AKR1B15: variants seen among roughly 807,000 people sequenced by gnomAD.
AKR1B15 encodes aldo-keto reductase family 1 member B15.
A neutral mutation model predicts 38.5 loss-of-function variants in AKR1B15; 49 were observed. The ratio of observed to expected loss-of-function variants is 1.27; its 90% CI spans 1.01 to 1.62. AKR1B15 has a LOEUF of 1.62. AKR1B15 is among the 40% of genes most tolerant of loss of function. The pLI, the probability that AKR1B15 is intolerant of heterozygous loss-of-function variation, is 0.00. For missense variants in AKR1B15, 411 were observed against 381.6 expected (o/e 1.08, Z -0.64); for synonymous variants, 137 against 135.5 (o/e 1.01, Z -0.08).
intron 1 of AKR1B15, among the ~76,000 whole-genome samples, chr7:134,555,537 T>C (rs2117612749): frequency 6.6e-6 from 1 of 152,292 alleles, no homozygotes; most frequent in South Asian, 2.1e-4. Flanking sequence ...TCTGTCTGTT[T>C]CCACCTGTTA....
At position 134,567,704 on chromosome 7, in the gene AKR1B15, G is replaced by T. The variant is rs372857920; in HGVS notation, c.151-454G>T. ...GGGAAATTGTCTGAAAATCCCTCTG[G>T]GTTATTTAGAGTCAAGCTTTCATCT... On this transcript the variant is annotated intron_variant, in intron 3 of 11. Transcript: ENST00000457545. Among the ~76,000 whole-genome samples the T allele has an allele frequency of 6.1e-4, 93 of 152,216 alleles. 2 individuals carry two copies. The South Asian group carries it at 0.016, about 26-fold the overall frequency.
intron 1 of AKR1B15, among the ~76,000 whole-genome samples, chr7:134,551,963 G>A (rs565890763): frequency 6.6e-6 from 1 of 152,160 alleles, no homozygotes; most frequent in African/African-American, 2.4e-5. Flanking sequence ...CCACCACAGT[G>A]GGGGGCCAGC....
intron 7 of AKR1B15, 99 bp downstream of exon 7, chr7:134,575,641 G>T (rs566688385): frequency 6.3e-7 from 1 of 1,582,054 alleles, no homozygotes; most frequent in Non-Finnish European, 8.6e-7. Context: ...TTATCTCAGG[G>T]GTCAGTGATC....
intron 10 of AKR1B15, 22 bp downstream of exon 10, chr7:134,577,068 C>A (rs1180844104): frequency 6.3e-7 from 1 of 1,595,824 alleles, no homozygotes; most frequent in South Asian, 1.1e-5. Context: ...GCTGGTCGGG[C>A]CTGGTATTCC....
rs145766745 is a variant in AKR1B15, at chr7:134,573,278, G to A, written c.513+1597G>A. The A allele has an allele frequency of 2.0e-4, 147 of 741,578 alleles. No individual in the cohort carries two copies. In the Middle Eastern group the frequency reaches 2.8e-3, roughly 14 times the overall value. 45.9% of individuals were successfully genotyped at this position (741,578 alleles called of 1,614,324 possible). A position where few individuals can be genotyped will look rare whatever the true frequency, so the allele number is the denominator to read the frequency against. On this transcript the variant is annotated intron_variant, in intron 6 of 11. Transcript: ENST00000457545. The stretch of plus-strand genomic sequence containing the variant: ...ACTCCTGACCTCAAGGGATCCACCC[G>A]TCTCAGCCTCCCAAAGTGTTCAGAT...
At chr7:134,555,016 G>A (rs201937292) in intron 1 of AKR1B15, among the ~76,000 whole-genome samples, 2 of 149,654 alleles carry the variant, frequency 1.3e-5, no homozygotes, top group Non-Finnish European at 3.0e-5. Context: ...ACTAGGTAAA[G>A]CTCCTTCCTT....
intron 1 of AKR1B15, among the ~76,000 whole-genome samples, chr7:134,555,548 T>A (rs980532146): frequency 6.6e-6 from 1 of 152,172 alleles, no homozygotes; most frequent in Non-Finnish European, 1.5e-5. Flanking sequence ...CCACCTGTTA[T>A]GTCCTCTGCC....
chr7:134,562,304 C>T (rs1199026441), intron 2 of AKR1B15, among the ~76,000 whole-genome samples: 1 of 152,188 alleles, frequency 6.6e-6, no homozygotes, highest in African/African-American at 2.4e-5. Flanking sequence ...GCTTCCACAT[C>T]CTGTAAGGGT....
rs1350333722 is a variant in AKR1B15, at chr7:134,564,737, A to G, written c.118A>G (p.Ser40Gly). The change falls in exon 3 of 12, where the codon AGT becomes GGT. Residue 40 changes from serine (S) to glycine (G), a missense_variant. Physicochemically the swap from Ser to Gly is moderately conservative, Grantham distance 56. Around this residue, in one of 3 missense-constraint regions of AKR1B15, gnomAD observed 254 missense variants for 212.4 expected, o/e 1.20. Transcript: ENST00000457545. ...GAGTTCCCTTCTGAAGGACACTACA[A>G]GTGCAGGGCCCCTTCTTCGCCCCTA... ...LKSSLLKDTTSAGPLLRPYPA... is the reference protein window; with the variant it reads ...LKSSLLKDTTGAGPLLRPYPA... The G allele has an allele frequency of 2.9e-6, 2 of 693,010 alleles. No homozygotes were observed. The highest frequency in any genetic ancestry group is 1.5e-5 in the South Asian group (1 of 65,016). The allele number at this position is 693,010 out of a possible 1,614,324, so 42.9% of individuals were successfully genotyped here.
chr7:134,575,642 G>T (rs753868277), intron 7 of AKR1B15, 100 bp downstream of exon 7: 120 of 1,580,818 alleles, frequency 7.6e-5, no homozygotes, highest in South Asian at 6.9e-4. Context: ...TATCTCAGGG[G>T]TCAGTGATCA....
chr7:134,563,585 A>G (rs777020092), intron 2 of AKR1B15, among the ~76,000 whole-genome samples: 6 of 152,238 alleles, frequency 3.9e-5, no homozygotes, highest in Non-Finnish European at 7.3e-5. Flanking sequence ...AGGTGAAGCC[A>G]CCTGGACTTC....
At chr7:134,552,889 A>G (rs952128840) in intron 1 of AKR1B15, among the ~76,000 whole-genome samples, 18 of 152,090 alleles carry the variant, frequency 1.2e-4, no homozygotes, top group African/African-American at 4.3e-4. Flanking sequence ...GCCCTCCAAC[A>G]GGATCTTTTA....
rs578001714 is a variant in AKR1B15, at chr7:134,561,799, C to T, written c.-22-2799C>T. The stretch of plus-strand genomic sequence containing the variant: ...ACAGGCCTATATCATGTTCCCTAGA[C>T]TGCTGACTACCAACTAGTTACAGCT... On this transcript the variant is annotated intron_variant, in intron 2 of 11. Coordinates refer to ENST00000457545, the MANE Select transcript of AKR1B15 (RefSeq NM_001080538.3). 2.8e-3 allele frequency among the ~76,000 whole-genome samples: 428 copies of T among 152,270 alleles called. 4 individuals carry two copies. The highest frequency in any genetic ancestry group is 5.8e-3 in the African/African-American group (240 of 41,540).
chr7:134,561,128 A>G (rs1188884066), intron 2 of AKR1B15, among the ~76,000 whole-genome samples: 1 of 152,214 alleles, frequency 6.6e-6, no homozygotes, highest in Non-Finnish European at 1.5e-5. Context: ...AGCACTGCAT[A>G]TCATCCAGTA....
intron 5 of AKR1B15, chr7:134,570,129 G>T (rs1244177694): frequency 6.6e-6 from 1 of 152,484 alleles, no homozygotes; most frequent in South Asian, 2.1e-4. Context: ...TGGCTGCTCT[G>T]GGGACGGCTG....
chr7:134,576,285 A>G lies in AKR1B15; in HGVS notation c.744-64A>G, dbSNP rs1794766427. On this transcript the variant is annotated intron_variant, in intron 8 of 11. Transcript: ENST00000457545. ...TGATCAGTCTTGAGACCCTCATTGG[A>G]GTGGTGTCCTTCTGTACACGGTAGC... 2.6e-6 allele frequency: 4 copies of G among 1,516,170 alleles called. No homozygotes were observed. The East Asian group carries it at 9.0e-5, about 34-fold the overall frequency. 93.9% of individuals were successfully genotyped at this position (1,516,170 alleles called of 1,614,324 possible).
intron 1 of AKR1B15, among the ~76,000 whole-genome samples, chr7:134,552,456 G>C (rs1322340064): frequency 1.3e-5 from 2 of 152,100 alleles, no homozygotes; most frequent in Admixed American, 6.5e-5. Flanking sequence ...GCCGGTCCAG[G>C]TCAAACAATA....
chr7:134,565,326 CACA>C (rs1794507675), intron 3 of AKR1B15: 3 of 1,266,984 alleles, frequency 2.4e-6, no homozygotes, highest in Non-Finnish European at 3.3e-6. Context: ...AAACTCCAGA[CACA>C]ACATCTTTAA....
chr7:134,554,717 G>C (rs1255704141), intron 1 of AKR1B15, among the ~76,000 whole-genome samples: 1 of 152,290 alleles, frequency 6.6e-6, no homozygotes, highest in Non-Finnish European at 1.5e-5. Context: ...GGTGCTAGTA[G>C]ACACCTTTTC....
Sources: gnomAD v4.1 joint callset for allele counts (sites outside exome capture counted in the v4.1 genomes callset) on GRCh38, gnomAD v4.1.1 for gene constraint, gnomAD v4.1.1 regional missense constraint, MANE v1.5 for transcripts, NCBI Gene and HGNC (gene_info 2026-07-23, HGNC 2026-07-21) for gene names.